The following ZIC1 variants were observed in gnomAD, a reference collection of about 807,000 sequenced individuals.
The protein encoded by ZIC1 is Zic family zinc finger 1.
Under a neutral mutation model 30.9 loss-of-function variants are expected in ZIC1, and 4 were observed. The observed-to-expected ratio is 0.13, with a 90% CI of 0.06 to 0.30. The LOEUF is 0.30. Among genes scored for constraint, ZIC1 ranks in the 10% least tolerant of loss-of-function variants. The probability of loss-of-function intolerance (pLI) is 1.00; values close to 1 mark genes in which losing one functional copy is unlikely to be tolerated. For missense variants in ZIC1, 441 were observed against 639.3 expected (o/e 0.69, Z 3.34); for synonymous variants, 305 against 277.5 (o/e 1.10, Z -0.98).
Position 147,409,942 on chromosome 3 carries a change from G to C in ZIC1, c.-171G>C. 4.3e-6 allele frequency: 3 copies of C among 698,428 alleles called. No individual in the cohort carries two copies. The highest frequency in any genetic ancestry group is 6.5e-6 in the Non-Finnish European group (3 of 462,042). The allele number at this position is 698,428 out of a possible 1,614,324, so 43.3% of individuals were successfully genotyped here. ...CCCGGCCAGCGCCCGGGCGCGCCGC[G>C]CCATTGCCTGCAGGCTAGGACTTCG... On this transcript the variant is annotated 5_prime_UTR_variant, in exon 1 of 3. Coordinates refer to ENST00000282928, the MANE Select transcript of ZIC1 (RefSeq NM_003412.4).
Position 147,415,082 on chromosome 3 carries a change from G to T in ZIC1, c.*1531G>T, listed in dbSNP as rs901620225. 1 of 152,518 alleles carries T rather than the reference G, an allele frequency of 6.6e-6. No individual in the cohort carries two copies. Among genetic ancestry groups the T allele is most frequent in the African/African-American group, 2.4e-5 (1 of 41,418 alleles). 9.4% of individuals were successfully genotyped at this position (152,518 alleles called of 1,614,324 possible). A position where few individuals can be genotyped will look rare whatever the true frequency, so the allele number is the denominator to read the frequency against. On this transcript the variant is annotated 3_prime_UTR_variant, in exon 3 of 3. Transcript: ENST00000282928. ...ATGCTTTTCCAGGCCTTCCTTCTTT[G>T]TACAAAAGTAAATGTCCATAAAGCG...
In ZIC1 at chr3:147,410,508, C is replaced by G; in HGVS notation, c.396C>G (p.His132Gln). The G allele has an allele frequency of 6.2e-7, 1 of 1,608,018 alleles. No individual in the cohort carries two copies. Among genetic ancestry groups the G allele is most frequent in the Non-Finnish European group, 8.5e-7 (1 of 1,179,018 alleles). The change falls in exon 1 of 3, where the codon CAC (histidine) becomes CAG (glutamine). Residue 132 changes from histidine (H) to glutamine (Q), a missense_variant. By Grantham distance (24) the His-to-Gln change is conservative. Coordinates refer to ENST00000282928, the MANE Select transcript of ZIC1 (RefSeq NM_003412.4). ...CGGCCGGGGGCTTCGGGGGCCCACA[C>G]GGCCACACGGACGCCGCGGGCCACC... ...AASAGGFGGP[H>Q]GHTDAAGHLL...
rs766422891 is a variant in ZIC1 at position 147,410,453 on chromosome 3, C to T, written c.341C>T (p.Ala114Val). 1.2e-6 allele frequency: 2 copies of T among 1,604,290 alleles called. No individual in the cohort carries two copies. Among genetic ancestry groups the T allele is most frequent in the Admixed American group, 1.7e-5 (1 of 59,946 alleles). ...GGTTTTGGCGACGCGGCGGCGGCAG[C>T]CAGCGCACAGCACAGCCTCTTTGCT... ...NRGFGDAAAA[A>V]SAQHSLFAAS... is the part of the protein sequence containing the mutation. Residue 114 changes from alanine (A) to valine (V), a missense_variant, in exon 1 of 3, where the codon GCC (alanine) becomes GTC (valine). By Grantham distance (64) the Ala-to-Val change is moderately conservative. Around this residue, in one of 5 missense-constraint regions of ZIC1, gnomAD observed 307 missense variants for 355.3 expected, o/e 0.86. Transcript: ENST00000282928.
intron 1 of ZIC1, 68 bp from the exon 2 acceptor site, chr3:147,412,450 T>G: frequency 1.3e-6 from 2 of 1,578,550 alleles, no homozygotes; most frequent in South Asian, 2.3e-5. Flanking sequence ...TTCTATTTGT[T>G]TAGTTTTTGA....
chr3:147,409,973 TG>T lies in ZIC1; in HGVS notation c.-137del. On this transcript the variant is annotated 5_prime_UTR_variant, in exon 1 of 3. Coordinates refer to ENST00000282928, the MANE Select transcript of ZIC1 (RefSeq NM_003412.4). ...GCCTGCAGGCTAGGACTTCGCGAGGTGGGTCGACTCCCCCTCCCTCCTCCTC... is the reference window on the plus strand; with the variant it reads ...GCCTGCAGGCTAGGACTTCGCGAGGTGGTCGACTCCCCCTCCCTCCTCCTC... 1 of 943,832 alleles carries T rather than the reference TG, an allele frequency of 1.1e-6. No individual in the cohort carries two copies. The highest frequency in any genetic ancestry group is 1.5e-6 in the Non-Finnish European group (1 of 672,326). The allele number at this position is 943,832 out of a possible 1,614,324, so 58.5% of individuals were successfully genotyped here. A position where few individuals can be genotyped will look rare whatever the true frequency, so the allele number is the denominator to read the frequency against.
At chr3:147,412,406 A>G (rs1005187690) in intron 1 of ZIC1, 112 bp from the exon 2 acceptor site, 21 of 1,301,898 alleles carry the variant, frequency 1.6e-5, no homozygotes, top group Non-Finnish European at 2.2e-5. Flanking sequence ...GCAAAGTGCT[A>G]ATCCTGGGCT....
chr3:147,412,822 G>A (rs2087393588), intron 2 of ZIC1, 141 bp downstream of exon 2: 2 of 1,075,452 alleles, frequency 1.9e-6, no homozygotes, highest in African/African-American at 1.6e-5. Flanking sequence ...GTGGAACTGG[G>A]CAGAGAAGGT....
chr3:147,412,721 C>G, intron 2 of ZIC1, 40 bp downstream of exon 2: 3 of 1,588,120 alleles, frequency 1.9e-6, no homozygotes, highest in Non-Finnish European at 2.6e-6. Context: ...GAGGCAGGAG[C>G]TCTCTTGGCT....
chr3:147,414,694 T>A lies in ZIC1; in HGVS notation c.*1143T>A, dbSNP rs1009348903. On this transcript the variant is annotated 3_prime_UTR_variant, in exon 3 of 3. Transcript: ENST00000282928. ...TCTGTCACTGCAGGTCGTATAAACG[T>A]GATAAATGAATGCTACCCTGCTGGC... 7 of 152,584 alleles carry A rather than the reference T, an allele frequency of 4.6e-5. No individual in the cohort carries two copies. The highest frequency in any genetic ancestry group is 1.7e-4 in the African/African-American group (7 of 41,442). The allele number at this position is 152,584 out of a possible 1,614,324, so 9.5% of individuals were successfully genotyped here. A position where few individuals can be genotyped will look rare whatever the true frequency, so the allele number is the denominator to read the frequency against.
In ZIC1 at chr3:147,413,515, T is replaced by A; in HGVS notation, c.1308T>A (p.Ser436Arg). ...SSAVHHTAGHSALSSNFNEWY... is the reference protein window; with the variant it reads ...SSAVHHTAGHRALSSNFNEWY... Reference sequence around the variant, plus strand: ...CAGTCCACCACACAGCCGGCCACAGTGCGCTCTCTTCCAATTTTAACGAAT... The same window carrying A: ...CAGTCCACCACACAGCCGGCCACAGAGCGCTCTCTTCCAATTTTAACGAAT... Residue 436 changes from serine (S) to arginine (R), a missense_variant, in exon 3 of 3, where the codon AGT (serine) becomes AGA (arginine). Ser to Arg is a moderately radical substitution (Grantham distance 110, BLOSUM62 -1). Around this residue, in one of 5 missense-constraint regions of ZIC1, gnomAD observed 56 missense variants for 52.5 expected, o/e 1.07. Coordinates refer to ENST00000282928, the MANE Select transcript of ZIC1 (RefSeq NM_003412.4). 1 of 1,614,092 alleles carries A rather than the reference T, an allele frequency of 6.2e-7. No individual in the cohort carries two copies. The highest frequency in any genetic ancestry group is 8.5e-7 in the Non-Finnish European group (1 of 1,180,016).
intron 1 of ZIC1, among the ~76,000 whole-genome samples, chr3:147,412,141 T>C (rs2087386716): frequency 1.3e-5 from 2 of 151,724 alleles, no homozygotes; most frequent in Admixed American, 6.6e-5. Flanking sequence ...AGAAAAGCAA[T>C]AGGGCAGGAG....
chr3:147,413,202 G>C, intron 2 of ZIC1, 152 bp from the exon 3 acceptor site: 1 of 809,644 alleles, frequency 1.2e-6, no homozygotes, highest in Non-Finnish European at 1.9e-6. Flanking sequence ...CCTGTGCAGA[G>C]AAACCAAGCC....
In ZIC1 at chr3:147,410,439, C is replaced by A; in HGVS notation, c.327C>A (p.Asp109Glu). The A allele has an allele frequency of 6.2e-7, 1 of 1,603,390 alleles. No individual in the cohort carries two copies. Among genetic ancestry groups the A allele is most frequent in the Non-Finnish European group, 8.5e-7 (1 of 1,179,518 alleles). The stretch of plus-strand genomic sequence containing the variant: ...TGTTCCGCAACCGGGGTTTTGGCGA[C>A]GCGGCGGCGGCAGCCAGCGCACAGC... The part of the protein sequence containing the change: ...DFLFRNRGFG[D>E]AAAAASAQHS... Residue 109 changes from aspartate to glutamate, a missense_variant, in exon 1 of 3, where the codon GAC becomes GAA. Transcript: ENST00000282928.
Position 147,413,516 on chromosome 3 carries a change from G to T in ZIC1, c.1309G>T (p.Ala437Ser). 1 of 1,614,020 alleles carries T rather than the reference G, an allele frequency of 6.2e-7. No individual in the cohort carries two copies. The highest frequency in any genetic ancestry group is 1.1e-5 in the South Asian group (1 of 91,066). Residue 437 changes from alanine (A) to serine (S), a missense_variant, in exon 3 of 3, where the codon GCG becomes TCG. Ala to Ser is a moderately conservative substitution (Grantham distance 99). Coordinates refer to ENST00000282928, the MANE Select transcript of ZIC1 (RefSeq NM_003412.4). ...SAVHHTAGHS[A>S]LSSNFNEWYV is the part of the protein sequence containing the mutation. The stretch of plus-strand genomic sequence containing the variant: ...AGTCCACCACACAGCCGGCCACAGT[G>T]CGCTCTCTTCCAATTTTAACGAATG...
At position 147,409,920 on chromosome 3, in the gene ZIC1, G is replaced by T. The variant is rs2087348941; in HGVS notation, c.-193G>T. 3.3e-6 allele frequency: 2 copies of T among 599,410 alleles called. No individual in the cohort carries two copies. Among genetic ancestry groups the T allele is most frequent in the Admixed American group, 8.0e-5 (2 of 25,096 alleles). 37.1% of individuals were successfully genotyped at this position (599,410 alleles called of 1,614,324 possible). ...CGTCCGGCTACTTTGCGTTTGGCCC[G>T]GCCAGCGCCCGGGCGCGCCGCGCCA... On this transcript the variant is annotated 5_prime_UTR_variant, in exon 1 of 3. Transcript: ENST00000282928.
At position 147,413,561 on chromosome 3, in the gene ZIC1, C is replaced by G. The variant is rs746940274; in HGVS notation, c.*10C>G. Reference sequence around the variant, plus strand: ...CGAATGGTACGTTTAAAATCAGAAACAAAACATCGAACAAAACCCTATTTA... The same window carrying G: ...CGAATGGTACGTTTAAAATCAGAAAGAAAACATCGAACAAAACCCTATTTA... On this transcript the variant is annotated 3_prime_UTR_variant, in exon 3 of 3. Coordinates refer to ENST00000282928, the MANE Select transcript of ZIC1 (RefSeq NM_003412.4). The G allele has an allele frequency of 2.5e-6, 4 of 1,613,750 alleles. No individual in the cohort carries two copies. In the South Asian group the frequency reaches 3.3e-5, roughly 13 times the overall value.
chr3:147,411,944 C>G (rs1173965586), intron 1 of ZIC1, among the ~76,000 whole-genome samples: 6 of 152,104 alleles, frequency 3.9e-5, no homozygotes, highest in African/African-American at 1.4e-4. Context: ...TTCTGATTTT[C>G]CCGGGTGAGA....
At chr3:147,412,137 G>A (rs762271741) in intron 1 of ZIC1, among the ~76,000 whole-genome samples, 1 of 151,970 alleles carries the variant, frequency 6.6e-6, no homozygotes. Flanking sequence ...GGAGAGAAAA[G>A]CAATAGGGCA....
Position 147,413,615 on chromosome 3 carries a change from A to T in ZIC1, c.*64A>T. 1 of 1,557,588 alleles carries T rather than the reference A, an allele frequency of 6.4e-7. No homozygotes were observed. Among genetic ancestry groups the T allele is most frequent in the Non-Finnish European group, 8.7e-7 (1 of 1,145,498 alleles). ...GACTGATCACACACGTATACACAAC[A>T]TTACTGAAAGAACCCTGCGAATCAA... On this transcript the variant is annotated 3_prime_UTR_variant, in exon 3 of 3. Coordinates refer to ENST00000282928, the MANE Select transcript of ZIC1 (RefSeq NM_003412.4).
Sources: gnomAD v4.1 joint callset for allele counts (sites outside exome capture counted in the v4.1 genomes callset) on GRCh38, gnomAD v4.1.1 for gene constraint, gnomAD v4.1.1 regional missense constraint, MANE v1.5 for transcripts, NCBI Gene and HGNC (gene_info 2026-07-23, HGNC 2026-07-21) for gene names.